SGCZ: variants seen among roughly 807,000 people sequenced by gnomAD.
The protein encoded by SGCZ is zeta-sarcoglycan.
A neutral mutation model predicts 41.3 loss-of-function variants in SGCZ; 40 were observed. That is an observed-to-expected ratio of 0.97 (90% confidence interval 0.75 to 1.26). The LOEUF (loss-of-function observed/expected upper bound fraction) is 1.26. SGCZ is among the 50% of genes most tolerant of loss of function. The probability of loss-of-function intolerance (pLI) is 0.00; values close to 1 mark genes in which losing one functional copy is unlikely to be tolerated. For missense variants in SGCZ, 552 were observed against 369.8 expected (o/e 1.49, Z -4.04); for synonymous variants, 206 against 137.5 (o/e 1.50, Z -3.49).
At chr8:14,953,628 C>A (rs7833907) in intron 1 of SGCZ, among the ~76,000 whole-genome samples, 5,808 of 149,780 alleles carry the variant, frequency 0.039, 348 homozygotes, top group African/African-American at 0.13. Flanking sequence ...TGTAGTTCTC[C>A]GGTTCATTTC....
chr8:14,500,800 C>A (rs1038247021), intron 2 of SGCZ, among the ~76,000 whole-genome samples: 1 of 151,958 alleles, frequency 6.6e-6, no homozygotes, highest in African/African-American at 2.4e-5. Flanking sequence ...ATTGTGGTAT[C>A]TATATCCAAC....
In SGCZ at chr8:14,241,582, A is replaced by C. The variant is rs193275191; in HGVS notation, c.337-3903T>G. 2.4e-3 allele frequency among the ~76,000 whole-genome samples: 368 copies of C among 150,790 alleles called. 3 individuals carry two copies. The highest frequency in any genetic ancestry group is 8.1e-3 in the African/African-American group (333 of 41,232). On this transcript the variant is annotated intron_variant, in intron 3 of 7. Coordinates refer to ENST00000382080, the MANE Select transcript of SGCZ (RefSeq NM_139167.4). The stretch of plus-strand genomic sequence containing the variant: ...AAAGAAAATCTTTATCTTCTGATGT[A>C]GTTATTTTTCCTCCAAGCCAATAAA...
intron 1 of SGCZ, among the ~76,000 whole-genome samples, chr8:14,702,834 TAGATAGATAGATA>T (rs1302946653): frequency 0.011 from 1,208 of 108,482 alleles, 20 homozygotes; most frequent in Non-Finnish European, 0.018. Flanking sequence ...GATAGATAGA[TAGATAGATAGATA>T]GATAGATAGA....
At chr8:14,818,321 A>T (rs1801968281) in intron 1 of SGCZ, among the ~76,000 whole-genome samples, 1 of 152,202 alleles carries the variant, frequency 6.6e-6, no homozygotes, top group African/African-American at 2.4e-5. Context: ...TGCCACCACC[A>T]TCACAAACTG....
intron 1 of SGCZ, among the ~76,000 whole-genome samples, chr8:15,199,584 A>G (rs1401676879): frequency 6.6e-6 from 1 of 152,214 alleles, no homozygotes; most frequent in East Asian, 1.9e-4. Flanking sequence ...ATTTACGGTT[A>G]GAAAGTAAAT....
intron 1 of SGCZ, among the ~76,000 whole-genome samples, chr8:15,141,857 C>T (rs184160277): frequency 2.6e-5 from 4 of 151,028 alleles, no homozygotes; most frequent in East Asian, 2.0e-4. Context: ...GCCAAGATCA[C>T]GCCACTGCAC....
chr8:14,325,156 G>A (rs896853281), intron 2 of SGCZ, among the ~76,000 whole-genome samples: 1 of 152,104 alleles, frequency 6.6e-6, no homozygotes, highest in African/African-American at 2.4e-5. Flanking sequence ...ATGATTGGAG[G>A]CAGGCTTCAA....
At chr8:15,117,231 C>T (rs991438050) in intron 1 of SGCZ, among the ~76,000 whole-genome samples, 12 of 151,962 alleles carry the variant, frequency 7.9e-5, no homozygotes, top group Admixed American at 2.6e-4. Context: ...CGGTAGCAGG[C>T]GCCTGTAGTC....
At chr8:14,435,728 G>C (rs1800071616) in intron 2 of SGCZ, among the ~76,000 whole-genome samples, 1 of 152,196 alleles carries the variant, frequency 6.6e-6, no homozygotes, top group Non-Finnish European at 1.5e-5. Context: ...GTAGACATTT[G>C]AATATGATTA....
intron 5 of SGCZ, among the ~76,000 whole-genome samples, chr8:14,111,294 T>G (rs1162005258): frequency 6.6e-6 from 1 of 152,154 alleles, no homozygotes; most frequent in Non-Finnish European, 1.5e-5. Context: ...AAATTCAAAA[T>G]TAGTAAGACA....
chr8:14,221,281 A>T (rs1024083326), intron 4 of SGCZ, among the ~76,000 whole-genome samples: 3 of 152,228 alleles, frequency 2.0e-5, no homozygotes, highest in African/African-American at 7.2e-5. Flanking sequence ...ACGTTGAAAG[A>T]CAATCTATGA....
chr8:14,850,044 C>T (rs924384214), intron 1 of SGCZ, among the ~76,000 whole-genome samples: 20 of 152,094 alleles, frequency 1.3e-4, no homozygotes, highest in Admixed American at 5.2e-4. Context: ...CTGTTATACC[C>T]ATTCGCTCTC....
At chr8:15,145,701 A>G (rs1382853794) in intron 1 of SGCZ, among the ~76,000 whole-genome samples, 3 of 152,106 alleles carry the variant, frequency 2.0e-5, no homozygotes, top group Non-Finnish European at 4.4e-5. Flanking sequence ...GTAATCATCC[A>G]ACCTCAGGCT....
chr8:14,895,905 G>A (rs1367991952), intron 1 of SGCZ, among the ~76,000 whole-genome samples: 1 of 152,084 alleles, frequency 6.6e-6, no homozygotes, highest in Non-Finnish European at 1.5e-5. Context: ...AGTTCTTCTG[G>A]TATTTATAAT....
intron 1 of SGCZ, among the ~76,000 whole-genome samples, chr8:14,978,549 T>C (rs1468565020): frequency 1.3e-5 from 2 of 150,134 alleles, no homozygotes; most frequent in East Asian, 3.9e-4. Context: ...TAAATTTCTG[T>C]CAGAGAGACT....
At chr8:14,201,337 T>A (rs900829847) in intron 4 of SGCZ, among the ~76,000 whole-genome samples, 3 of 152,156 alleles carry the variant, frequency 2.0e-5, no homozygotes, top group African/African-American at 7.2e-5. Context: ...TTCTAGTGGC[T>A]TTATATCAAG....
intron 2 of SGCZ, among the ~76,000 whole-genome samples, chr8:14,472,047 T>A (rs1801227249): frequency 6.6e-6 from 1 of 152,142 alleles, no homozygotes; most frequent in Non-Finnish European, 1.5e-5. Context: ...TCTGTAAGAC[T>A]GTTCCTACCA....
At chr8:14,508,382 A>C (rs1184896054) in intron 2 of SGCZ, among the ~76,000 whole-genome samples, 1 of 152,120 alleles carries the variant, frequency 6.6e-6, no homozygotes, top group East Asian at 1.9e-4. Flanking sequence ...TGAGGGACTA[A>C]ATGTATTTTA....
At chr8:14,909,697 T>A (rs1403735732) in intron 1 of SGCZ, among the ~76,000 whole-genome samples, 2 of 152,138 alleles carry the variant, frequency 1.3e-5, no homozygotes, top group African/African-American at 4.8e-5. Flanking sequence ...TTCTAACCAA[T>A]AACTCAGCCT....
Sources: allele counts gnomAD v4.1 joint callset (sites outside exome capture counted in the v4.1 genomes callset), GRCh38; gene constraint gnomAD v4.1.1; transcripts MANE v1.5; gene names NCBI Gene and HGNC (gene_info 2026-07-23, HGNC 2026-07-21).